The following AAK1 variants were observed in gnomAD, a reference collection of about 807,000 sequenced individuals.
AAK1 encodes AP2 associated kinase 1.
Under a neutral mutation model 116.0 loss-of-function variants are expected in AAK1, and 37 were observed. That is an observed-to-expected ratio of 0.32 (90% CI 0.25 to 0.42). AAK1 has a LOEUF of 0.42. AAK1 is among the 10% of genes least tolerant of loss of function. AAK1 has a pLI of 1.00. For synonymous variants in AAK1, 458 were observed against 439.9 expected (o/e 1.04, Z -0.51); for missense variants, 919 against 1,170.6 (o/e 0.79, Z 3.14).
intron 2 of AAK1, among the ~76,000 whole-genome samples, chr2:69,579,688 C>T (rs1327972017): frequency 6.6e-6 from 1 of 152,196 alleles, no homozygotes; most frequent in Admixed American, 6.5e-5. Flanking sequence ...TCTTGATCTC[C>T]TTTAGAGTTG....
chr2:69,538,011 G>A (rs1252206901), intron 5 of AAK1, among the ~76,000 whole-genome samples: 1 of 152,178 alleles, frequency 6.6e-6, no homozygotes, highest in African/African-American at 2.4e-5. Context: ...CACAACCACA[G>A]AGTCCAATAC....
chr2:69,536,740 C>T (rs1383538981), intron 5 of AAK1, among the ~76,000 whole-genome samples: 3 of 152,204 alleles, frequency 2.0e-5, no homozygotes, highest in Non-Finnish European at 4.4e-5. Context: ...GAGGCTACCT[C>T]CTACTGACCT....
At chr2:69,550,895 C>T (rs916632647) in intron 3 of AAK1, among the ~76,000 whole-genome samples, 7 of 152,232 alleles carry the variant, frequency 4.6e-5, no homozygotes, top group South Asian at 2.1e-4. Context: ...AGATTATAGG[C>T]GTGAGCCACA....
intron 2 of AAK1, among the ~76,000 whole-genome samples, chr2:69,586,334 A>G (rs1050522607): frequency 6.6e-6 from 1 of 152,186 alleles, no homozygotes; most frequent in Non-Finnish European, 1.5e-5. Context: ...AATGAGGCAG[A>G]AAGGCAGGCA....
Position 69,469,377 on chromosome 2 carries a change from T to C in AAK1, c.*6492A>G. ...AACAGAAGGTAACCATTAAATCTTG[T>C]TGGCAGATAAAAGTCTTTTTTTGAG... On this transcript the variant is annotated 3_prime_UTR_variant, in exon 22 of 22. Coordinates refer to ENST00000409085, the MANE Select transcript of AAK1 (RefSeq NM_014911.5). 1 of 985,460 alleles carries C rather than the reference T, an allele frequency of 1.0e-6. No homozygotes were observed. The highest frequency in any genetic ancestry group is 1.2e-6 in the Non-Finnish European group (1 of 829,942). 61.0% of individuals were successfully genotyped at this position (985,460 alleles called of 1,614,324 possible). A position where few individuals can be genotyped will look rare whatever the true frequency, so the allele number is the denominator to read the frequency against.
intron 14 of AAK1, among the ~76,000 whole-genome samples, chr2:69,507,824 A>G (rs1303060873): frequency 6.6e-6 from 1 of 151,662 alleles, no homozygotes; most frequent in African/African-American, 2.4e-5. Context: ...CTCCTGCCTC[A>G]GCCTCCCGAG....
chr2:69,535,143 C>T (rs147593309), intron 5 of AAK1, among the ~76,000 whole-genome samples: 1 of 152,314 alleles, frequency 6.6e-6, no homozygotes, highest in African/African-American at 2.4e-5. Flanking sequence ...TGTGTGCACT[C>T]GCTTTCTGAA....
At chr2:69,496,420 C>A (rs964055394) in intron 16 of AAK1, among the ~76,000 whole-genome samples, 1 of 152,042 alleles carries the variant, frequency 6.6e-6, no homozygotes. Flanking sequence ...CCTGCCACCA[C>A]GCACAGCTAA....
At chr2:69,488,529 G>A (rs991129451) in intron 17 of AAK1, among the ~76,000 whole-genome samples, 1 of 152,100 alleles carries the variant, frequency 6.6e-6, no homozygotes, top group Non-Finnish European at 1.5e-5. Context: ...TTAAAGTGTT[G>A]TTGGGATTAA....
chr2:69,570,846 T>A (rs1672065167), intron 2 of AAK1, among the ~76,000 whole-genome samples: 1 of 152,220 alleles, frequency 6.6e-6, no homozygotes, highest in Non-Finnish European at 1.5e-5. Context: ...CACAGTGAAC[T>A]CCTGAGAGTG....
Position 69,465,542 on chromosome 2 carries a change from C to G in AAK1, c.*10327G>C. ...TAGAAACAGACCCAGCTATCGACTG[C>G]TTGTTGGTTTGTGAAACAATTTTGT... On this transcript the variant is annotated 3_prime_UTR_variant, in exon 22 of 22. Coordinates refer to ENST00000409085, the MANE Select transcript of AAK1 (RefSeq NM_014911.5). 2.3e-6 allele frequency: 3 copies of G among 1,290,930 alleles called. No homozygotes were observed. The highest frequency in any genetic ancestry group is 3.0e-6 in the Non-Finnish European group (3 of 988,878). 80.0% of individuals were successfully genotyped at this position (1,290,930 alleles called of 1,614,324 possible).
intron 2 of AAK1, among the ~76,000 whole-genome samples, chr2:69,633,103 C>A (rs974776270): frequency 2.0e-5 from 3 of 150,646 alleles, no homozygotes; most frequent in Non-Finnish European, 4.4e-5. Flanking sequence ...CACCTGTAGT[C>A]CCAGCTACTC....
chr2:69,498,546 G>A (rs1675844075), intron 16 of AAK1, among the ~76,000 whole-genome samples: 1 of 151,768 alleles, frequency 6.6e-6, no homozygotes, highest in African/African-American at 2.4e-5. Context: ...CAGTGCCCCA[G>A]TCCCTTGCCC....
intron 2 of AAK1, among the ~76,000 whole-genome samples, chr2:69,635,139 A>T (rs751329284): frequency 3.9e-5 from 6 of 152,240 alleles, no homozygotes; most frequent in Non-Finnish European, 8.8e-5. Context: ...TGGGCAAAGG[A>T]CTTAAATAGA....
intron 20 of AAK1, 75 bp downstream of exon 20, chr2:69,478,876 G>C: frequency 7.9e-7 from 1 of 1,261,198 alleles, no homozygotes; most frequent in Non-Finnish European, 1.1e-6. Context: ...CTTTTGATAA[G>C]AAAAACTTTC....
At chr2:69,559,925 C>T (rs533931789) in intron 2 of AAK1, among the ~76,000 whole-genome samples, 3 of 152,216 alleles carry the variant, frequency 2.0e-5, no homozygotes, top group African/African-American at 7.2e-5. Context: ...ATGACCTTTA[C>T]AGCCAGGACT....
chr2:69,465,738 A>G lies in AAK1; in HGVS notation c.*10131T>C, dbSNP rs1452015150. The G allele has an allele frequency of 1.5e-6, 2 of 1,290,828 alleles. No homozygotes were observed. Among genetic ancestry groups the G allele is most frequent in the Non-Finnish European group, 2.0e-6 (2 of 988,884 alleles). The allele number at this position is 1,290,828 out of a possible 1,614,324, so 80.0% of individuals were successfully genotyped here. ...GTCATTAGAATGACCCCCAGATTCC[A>G]GGCAGGATCCCCTGGGAGAGATGCT... On this transcript the variant is annotated 3_prime_UTR_variant, in exon 22 of 22. Coordinates refer to ENST00000409085, the MANE Select transcript of AAK1 (RefSeq NM_014911.5).
intron 19 of AAK1, among the ~76,000 whole-genome samples, chr2:69,480,544 C>T (rs1023994222): frequency 1.3e-5 from 2 of 152,024 alleles, no homozygotes; most frequent in African/African-American, 4.8e-5. Flanking sequence ...TACAGCTCGG[C>T]AGAGTTCTTT....
At chr2:69,539,263 GA>G (rs1277029347) in intron 5 of AAK1, among the ~76,000 whole-genome samples, 2 of 152,294 alleles carry the variant, frequency 1.3e-5, no homozygotes, top group East Asian at 3.9e-4. Flanking sequence ...ACAGGGACTG[GA>G]AAATGTTCTC....
Sources: gnomAD v4.1 joint callset for allele counts (sites outside exome capture counted in the v4.1 genomes callset) on GRCh38, gnomAD v4.1.1 for gene constraint, MANE v1.5 for transcripts, NCBI Gene and HGNC (gene_info 2026-07-23, HGNC 2026-07-21) for gene names.